RYR3: variants seen among roughly 807,000 people sequenced by gnomAD.
The protein encoded by RYR3 is brain ryanodine receptor-calcium release channel.
In RYR3, 207 loss-of-function variants were observed where a neutral mutation model predicts 584.3. That is an observed-to-expected ratio of 0.35 (90% CI 0.32 to 0.40). The LOEUF is 0.40. Ranked by LOEUF, RYR3 falls within the 10% of genes least tolerant of loss-of-function variation. RYR3 has a pLI of 1.00. For synonymous variants in RYR3, 2,416 were observed against 2,248.5 expected (o/e 1.07, Z -2.11); for missense variants, 5,616 against 6,089.2 (o/e 0.92, Z 2.59).
intron 1 of RYR3, among the ~76,000 whole-genome samples, chr15:33,416,875 GAGGT>G (rs1306828975): frequency 6.6e-6 from 1 of 152,070 alleles, no homozygotes; most frequent in African/African-American, 2.4e-5. Flanking sequence ...TATATGGTGA[GAGGT>G]AGGAATCCAG....
At chr15:33,638,300 C>T (rs2061611347) in intron 27 of RYR3, among the ~76,000 whole-genome samples, 2 of 152,190 alleles carry the variant, frequency 1.3e-5, no homozygotes, top group Non-Finnish European at 2.9e-5. Context: ...CAGGTGCTTT[C>T]CAAGCACCCA....
intron 69 of RYR3, among the ~76,000 whole-genome samples, chr15:33,804,277 T>C (rs2076067833): frequency 6.6e-6 from 1 of 152,192 alleles, no homozygotes; most frequent in Non-Finnish European, 1.5e-5. Context: ...AACGAATGGA[T>C]GAGAGGACAC....
rs1004661955 is a variant in RYR3, at chr15:33,854,592, T to C, written c.13860+143T>C. Reference sequence around the variant, plus strand: ...CTTATACGTGCTGGGGGAACACTTATACAATGGTATAAGGTAGATGGGGCT... The same window carrying C: ...CTTATACGTGCTGGGGGAACACTTACACAATGGTATAAGGTAGATGGGGCT... On this transcript the variant is annotated intron_variant, in intron 97 of 103. Coordinates refer to ENST00000634891, the MANE Select transcript of RYR3 (RefSeq NM_001036.6). 1.8e-5 allele frequency: 19 copies of C among 1,050,956 alleles called. No individual in the cohort carries two copies. The East Asian group carries it at 1.9e-4, about 11-fold the overall frequency. 65.1% of individuals were successfully genotyped at this position (1,050,956 alleles called of 1,614,324 possible).
Position 33,726,457 on chromosome 15 carries a change from C to T in RYR3, c.6984C>T (p.Asp2328=). ...SILRSLVPTE[D]LVGIISIPLK... is the part of the protein sequence containing the mutation. ...TGCGCTCCCTGGTCCCCACAGAAGA[C>T]CTGGTTGGGATCATCAGCATCCCCT... The change falls in exon 46 of 104, where the codon GAC becomes GAT. Residue 2328 remains aspartate (D), a synonymous_variant. Transcript: ENST00000634891. 2 of 1,608,812 alleles carry T rather than the reference C, an allele frequency of 1.2e-6. No individual in the cohort carries two copies. The highest frequency in any genetic ancestry group is 1.7e-6 in the Non-Finnish European group (2 of 1,177,532).
intron 10 of RYR3, among the ~76,000 whole-genome samples, chr15:33,550,830 C>T (rs1462064452): frequency 3.9e-5 from 6 of 152,092 alleles, no homozygotes; most frequent in East Asian, 1.9e-4. Flanking sequence ...CTGGACATAA[C>T]ATTATCTTGC....
intron 86 of RYR3, 89 bp from the exon 87 acceptor site, chr15:33,834,879 A>G (rs929162608): frequency 3.5e-6 from 3 of 862,568 alleles, no homozygotes; most frequent in Middle Eastern, 2.2e-4. Context: ...CTATCTGCTC[A>G]TATAAGTAGG....
At chr15:33,618,234 A>T (rs975516144) in intron 19 of RYR3, among the ~76,000 whole-genome samples, 2 of 152,214 alleles carry the variant, frequency 1.3e-5, no homozygotes, top group African/African-American at 4.8e-5. Flanking sequence ...CTCCCCATAA[A>T]TCTATTTAAT....
chr15:33,747,117 G>C (rs1031593887), intron 53 of RYR3, among the ~76,000 whole-genome samples: 1 of 152,022 alleles, frequency 6.6e-6, no homozygotes, highest in Non-Finnish European at 1.5e-5. Flanking sequence ...AGCCAAAAAT[G>C]ATTTCTAATA....
intron 38 of RYR3, among the ~76,000 whole-genome samples, chr15:33,685,785 AACTC>A (rs753592523): frequency 1.3e-5 from 2 of 152,238 alleles, no homozygotes; most frequent in Non-Finnish European, 2.9e-5. Flanking sequence ...AGGATTAAGA[AACTC>A]ACTCAAAACC....
At chr15:33,536,777 T>C (rs1321286616) in intron 5 of RYR3, among the ~76,000 whole-genome samples, 2 of 152,248 alleles carry the variant, frequency 1.3e-5, no homozygotes, top group African/African-American at 4.8e-5. Flanking sequence ...GAGCTTATTA[T>C]AAACACCAGT....
chr15:33,862,754 G>GCACCTGC (rs1469955491), intron 102 of RYR3, among the ~76,000 whole-genome samples: 1 of 152,068 alleles, frequency 6.6e-6, no homozygotes, highest in Non-Finnish European at 1.5e-5. Flanking sequence ...GGGACTACAG[G>GCACCTGC]CACCTGCCAC....
chr15:33,596,388 G>A (rs608508), intron 16 of RYR3, among the ~76,000 whole-genome samples: 67,426 of 150,250 alleles, frequency 0.45, 15,500 homozygotes, highest in East Asian at 0.8. Flanking sequence ...GATTATTCAC[G>A]AAAACTGTGA....
intron 37 of RYR3, 42 bp downstream of exon 37, chr15:33,669,498 A>G: frequency 1.3e-6 from 2 of 1,563,546 alleles, no homozygotes; most frequent in Non-Finnish European, 1.8e-6. Flanking sequence ...TTTTACAAGA[A>G]GAGTCTGTTT....
intron 18 of RYR3, among the ~76,000 whole-genome samples, chr15:33,610,475 A>G (rs1202761225): frequency 6.6e-6 from 1 of 152,160 alleles, no homozygotes; most frequent in Non-Finnish European, 1.5e-5. Context: ...TCCCAGGTGT[A>G]GTATCTGGCA....
chr15:33,838,303 C>G lies in RYR3; in HGVS notation c.12323C>G (p.Ala4108Gly). The G allele has an allele frequency of 6.2e-7, 1 of 1,613,972 alleles. No homozygotes were observed. Among genetic ancestry groups the G allele is most frequent in the Non-Finnish European group, 8.5e-7 (1 of 1,179,882 alleles). The change falls in exon 89 of 104, where the codon GCT (alanine) becomes GGT (glycine). Residue 4108 changes from alanine to glycine, a missense_variant. By Grantham distance (60) the Ala-to-Gly change is moderately conservative. Around this residue, in one of 9 missense-constraint regions of RYR3, gnomAD observed 258 missense variants for 297.3 expected, o/e 0.87. Coordinates refer to ENST00000634891, the MANE Select transcript of RYR3 (RefSeq NM_001036.6). ...TCTCAGATCTCTGAATCCGATTCAG[C>G]TGACAGGCCAGAAGAGGAGGAAGAA... ...LASQISESDS[A>G]DRPEEEEEDE...
intron 1 of RYR3, among the ~76,000 whole-genome samples, chr15:33,449,942 A>AT (rs1050762043): frequency 4.2e-4 from 64 of 152,266 alleles, no homozygotes; most frequent in African/African-American, 1.4e-3. Context: ...GAGGTGGAGA[A>AT]TACCCAAAAG....
chr15:33,601,538 T>G lies in RYR3; in HGVS notation c.1908T>G (p.Ile636Met). 6.2e-7 allele frequency: 1 copy of G among 1,613,744 alleles called. No individual in the cohort carries two copies. The highest frequency in any genetic ancestry group is 8.5e-7 in the Non-Finnish European group (1 of 1,179,798). The change falls in exon 17 of 104, where the codon ATT (isoleucine) becomes ATG (methionine). Residue 636 changes from isoleucine to methionine, a missense_variant. Ile to Met is a conservative substitution (Grantham distance 10). Transcript: ENST00000634891. ...RRNLLLQTRLINDVTSIRPNI... is the reference protein window; with the variant it reads ...RRNLLLQTRLMNDVTSIRPNI... ...ACCTACTCCTGCAGACACGACTGAT[T>G]AACGATGTAACCAGGTAAGGCCACC...
intron 1 of RYR3, among the ~76,000 whole-genome samples, chr15:33,356,406 G>A (rs570684118): frequency 6.6e-6 from 1 of 152,302 alleles, no homozygotes; most frequent in Admixed American, 6.5e-5. Flanking sequence ...AATAAGAGTA[G>A]GTGAGGGTGA....
chr15:33,354,612 A>G (rs1162928478), intron 1 of RYR3, among the ~76,000 whole-genome samples: 1 of 152,204 alleles, frequency 6.6e-6, no homozygotes, highest in African/African-American at 2.4e-5. Context: ...CTGCCCTGGA[A>G]TTGATTTAAT....
Sources: allele counts gnomAD v4.1 joint callset (sites outside exome capture counted in the v4.1 genomes callset), GRCh38; gene constraint gnomAD v4.1.1; regional missense constraint gnomAD v4.1.1; transcripts MANE v1.5; gene names NCBI Gene and HGNC (gene_info 2026-07-23, HGNC 2026-07-21).